GLRA3: variants seen among roughly 807,000 people sequenced by gnomAD.
GLRA3 encodes glycine receptor subunit alpha-3.
In GLRA3, 44 loss-of-function variants were observed where a neutral mutation model predicts 60.4. The observed-to-expected ratio is 0.73, with a 90% CI of 0.57 to 0.94. GLRA3 has a LOEUF of 0.94. Among genes scored for constraint, GLRA3 ranks in the 40% least tolerant of loss-of-function variants. GLRA3 has a pLI of 0.00. For missense variants in GLRA3, 508 were observed against 564.6 expected, an observed-to-expected ratio of 0.90 and a Z score of 1.02; for synonymous variants, 223 against 192.9, an observed-to-expected ratio of 1.16 and a Z score of -1.29.
At chr4:174,691,363 GTCCCCTC>G (rs1171768442) in intron 5 of GLRA3, among the ~76,000 whole-genome samples, 8 of 151,854 alleles carry the variant, frequency 5.3e-5, no homozygotes, top group African/African-American at 9.7e-5. Context: ...GTGTCTGTTT[GTCCCCTC>G]TCCCCTCTCC....
In GLRA3 at chr4:174,642,405, T is replaced by C; in HGVS notation, c.*1381A>G. 1.0e-6 allele frequency: 1 copy of C among 961,432 alleles called. No individual in the cohort carries two copies. Among genetic ancestry groups the C allele is most frequent in the South Asian group, 4.8e-5 (1 of 20,810 alleles). The allele number at this position is 961,432 out of a possible 1,614,324, so 59.6% of individuals were successfully genotyped here. A position where few individuals can be genotyped will look rare whatever the true frequency, so the allele number is the denominator to read the frequency against. ...GCATCTGACCAATAATTAAAATACC[T>C]AAAAAGCATTCCAAAGCTTTTCCAA... On this transcript the variant is annotated 3_prime_UTR_variant, in exon 10 of 10. Transcript: ENST00000274093.
Position 174,642,740 on chromosome 4 carries a change from C to T in GLRA3, c.*1046G>A. On this transcript the variant is annotated 3_prime_UTR_variant, in exon 10 of 10. Coordinates refer to ENST00000274093, the MANE Select transcript of GLRA3 (RefSeq NM_006529.4). ...TCATTTAAAATTAAAACTTTCCCTA[C>T]TTATATTTGGAGATAGGAGTTGAGA... 2.7e-6 allele frequency: 2 copies of T among 738,876 alleles called. No individual in the cohort carries two copies. The highest frequency in any genetic ancestry group is 3.3e-6 in the Non-Finnish European group (2 of 605,504). The allele number at this position is 738,876 out of a possible 1,614,324, so 45.8% of individuals were successfully genotyped here. A position where few individuals can be genotyped will look rare whatever the true frequency, so the allele number is the denominator to read the frequency against.
intron 2 of GLRA3, among the ~76,000 whole-genome samples, chr4:174,788,007 T>C (rs1739186105): frequency 6.6e-6 from 1 of 152,074 alleles, no homozygotes; most frequent in Admixed American, 6.6e-5. Flanking sequence ...TAGACAACAC[T>C]TTTTTAAACT....
At chr4:174,681,645 C>T (rs1333569296) in intron 6 of GLRA3, among the ~76,000 whole-genome samples, 1 of 152,120 alleles carries the variant, frequency 6.6e-6, no homozygotes, top group Non-Finnish European at 1.5e-5. Context: ...GAAAGCACGG[C>T]CCTGCTGACA....
intron 6 of GLRA3, among the ~76,000 whole-genome samples, chr4:174,680,293 A>T (rs1180909057): frequency 1.3e-5 from 2 of 152,236 alleles, no homozygotes; most frequent in African/African-American, 4.8e-5. Context: ...GGACAAAAAA[A>T]TCCATCACTT....
At chr4:174,717,429 T>C (rs1433326510) in intron 4 of GLRA3, among the ~76,000 whole-genome samples, 3 of 152,032 alleles carry the variant, frequency 2.0e-5, no homozygotes, top group African/African-American at 7.2e-5. Context: ...TAACAAAAAA[T>C]AGTCTGCAGC....
intron 5 of GLRA3, among the ~76,000 whole-genome samples, chr4:174,689,010 C>T (rs1301668714): frequency 6.6e-6 from 1 of 152,094 alleles, no homozygotes; most frequent in East Asian, 1.9e-4. Context: ...AAGTTTCCCA[C>T]AAGCAGAGGC....
chr4:174,692,125 C>T (rs1463205175), intron 5 of GLRA3, among the ~76,000 whole-genome samples: 3 of 151,688 alleles, frequency 2.0e-5, no homozygotes, highest in Non-Finnish European at 4.4e-5. Flanking sequence ...GCAACTGCCC[C>T]GTCTGAGAAG....
chr4:174,714,335 A>G (rs1220240940), intron 5 of GLRA3, among the ~76,000 whole-genome samples: 1 of 152,180 alleles, frequency 6.6e-6, no homozygotes, highest in Admixed American at 6.6e-5. Flanking sequence ...TTCAATTTCA[A>G]AATCAGGTCT....
chr4:174,680,836 A>T (rs966507925), intron 6 of GLRA3, among the ~76,000 whole-genome samples: 12 of 152,180 alleles, frequency 7.9e-5, no homozygotes, highest in Admixed American at 6.5e-5. Flanking sequence ...CTGGGGGGAA[A>T]GGGTATTTTA....
intron 1 of GLRA3, among the ~76,000 whole-genome samples, chr4:174,814,854 A>G (rs2111379511): frequency 6.6e-6 from 1 of 152,236 alleles, no homozygotes. Context: ...AAACCATATG[A>G]TTCCATCCCC....
chr4:174,727,063 G>A (rs2111128634), intron 4 of GLRA3, among the ~76,000 whole-genome samples: 1 of 152,202 alleles, frequency 6.6e-6, no homozygotes, highest in East Asian at 1.9e-4. Flanking sequence ...TGATGAAAGG[G>A]TCAATTCACA....
chr4:174,665,546 AC>A (rs1347547307), intron 7 of GLRA3, among the ~76,000 whole-genome samples: 2 of 152,154 alleles, frequency 1.3e-5, no homozygotes, highest in Non-Finnish European at 2.9e-5. Flanking sequence ...CTTTCCAAAA[AC>A]TTTGATTAGA....
chr4:174,819,936 A>G (rs1051626636), intron 1 of GLRA3, among the ~76,000 whole-genome samples: 3 of 152,206 alleles, frequency 2.0e-5, no homozygotes, highest in African/African-American at 7.2e-5. Context: ...TCTTTTTTAA[A>G]CTAGATGATT....
At chr4:174,759,340 A>C (rs1310452828) in intron 3 of GLRA3, among the ~76,000 whole-genome samples, 1 of 152,136 alleles carries the variant, frequency 6.6e-6, no homozygotes, top group Admixed American at 6.5e-5. Context: ...CTAAAAGGTT[A>C]TAATTTTAAA....
At position 174,641,485 on chromosome 4, in the gene GLRA3, T is replaced by C. The variant is rs149960324; in HGVS notation, c.*2301A>G. The C allele has an allele frequency of 6.6e-6, 1 of 152,080 alleles. No homozygotes were observed. The highest frequency in any genetic ancestry group is 1.9e-4 in the East Asian group (1 of 5,192). The allele number at this position is 152,080 out of a possible 1,614,324, so 9.4% of individuals were successfully genotyped here. A position where few individuals can be genotyped will look rare whatever the true frequency, so the allele number is the denominator to read the frequency against. On this transcript the variant is annotated 3_prime_UTR_variant, in exon 10 of 10. Transcript: ENST00000274093. ...CTTGTGAGTGAAAGCTGTTAAAGTATTTTCTTAGTGCAGTAAGACAGTGAC... is the reference window on the plus strand; with the variant it reads ...CTTGTGAGTGAAAGCTGTTAAAGTACTTTCTTAGTGCAGTAAGACAGTGAC...
At chr4:174,662,646 G>A (rs943719537) in intron 7 of GLRA3, among the ~76,000 whole-genome samples, 1 of 152,006 alleles carries the variant, frequency 6.6e-6, no homozygotes, top group Non-Finnish European at 1.5e-5. Flanking sequence ...AACATTTGGG[G>A]GAAAGTTAGG....
intron 3 of GLRA3, among the ~76,000 whole-genome samples, chr4:174,734,014 ACTTT>A (rs986363481): frequency 1.3e-5 from 2 of 151,360 alleles, no homozygotes; most frequent in Admixed American, 6.6e-5. Context: ...AAAACAATAG[ACTTT>A]CTTTTTTTTT....
chr4:174,662,566 T>C (rs1354248331), intron 7 of GLRA3, among the ~76,000 whole-genome samples: 1 of 152,202 alleles, frequency 6.6e-6, no homozygotes, highest in South Asian at 2.1e-4. Context: ...AGTGCAGCTA[T>C]TTTTATGAAA....
Sources: allele counts gnomAD v4.1 joint callset (sites outside exome capture counted in the v4.1 genomes callset), GRCh38; gene constraint gnomAD v4.1.1; transcripts MANE v1.5; gene names NCBI Gene and HGNC (gene_info 2026-07-23, HGNC 2026-07-21).